GRID2: variants seen among roughly 807,000 people sequenced by gnomAD.
GRID2 encodes the protein glutamate receptor ionotropic, delta-2.
Under a neutral mutation model 114.8 loss-of-function variants are expected in GRID2, and 33 were observed. That is an observed-to-expected ratio of 0.29 (90% CI 0.22 to 0.38). The LOEUF is 0.38. GRID2 is among the 10% of genes least tolerant of loss of function. The pLI is 1.00. For missense variants in GRID2, 1,184 were observed against 1,257.7 expected (o/e 0.94, Z 0.89); for synonymous variants, 505 against 449.9 (o/e 1.12, Z -1.55).
intron 8 of GRID2, chr4:93,306,019 T>G (rs993756837): frequency 6.6e-6 from 1 of 152,228 alleles, no homozygotes; most frequent in Admixed American, 6.5e-5. Flanking sequence ...AACATACACT[T>G]GTTACCTGAT....
intron 2 of GRID2, among the ~76,000 whole-genome samples, chr4:93,074,029 G>A (rs2149308571): frequency 6.6e-6 from 1 of 152,310 alleles, no homozygotes; most frequent in African/African-American, 2.4e-5. Flanking sequence ...CAGCTGTGAA[G>A]GGACAACTAA....
chr4:92,456,274 A>G (rs1018546660), intron 1 of GRID2, among the ~76,000 whole-genome samples: 1 of 152,132 alleles, frequency 6.6e-6, no homozygotes, highest in Non-Finnish European at 1.5e-5. Flanking sequence ...ATATATTAGG[A>G]ACTAAATTTT....
chr4:92,505,200 A>G (rs962814177), intron 1 of GRID2, among the ~76,000 whole-genome samples: 2 of 151,988 alleles, frequency 1.3e-5, no homozygotes, highest in African/African-American at 4.8e-5. Flanking sequence ...TGCAAATAGA[A>G]TAGGACTCTT....
chr4:92,588,627 C>A (rs896932444), intron 1 of GRID2, among the ~76,000 whole-genome samples: 3 of 124,344 alleles, frequency 2.4e-5, no homozygotes, highest in African/African-American at 9.4e-5. Flanking sequence ...TGCTGTGAGC[C>A]GAGATGGCGC....
intron 2 of GRID2, among the ~76,000 whole-genome samples, chr4:92,778,994 T>TA (rs1738936920): frequency 6.6e-6 from 1 of 152,074 alleles, no homozygotes; most frequent in South Asian, 2.1e-4. Flanking sequence ...TATTTATTCC[T>TA]AAAAAATCAT....
intron 6 of GRID2, among the ~76,000 whole-genome samples, chr4:93,217,859 T>C (rs1744419268): frequency 6.6e-6 from 1 of 152,104 alleles, no homozygotes; most frequent in Non-Finnish European, 1.5e-5. Flanking sequence ...TGGCCAATCT[T>C]AGAAGTAAGC....
intron 2 of GRID2, among the ~76,000 whole-genome samples, chr4:93,026,319 C>A (rs1044242444): frequency 6.6e-6 from 1 of 151,732 alleles, no homozygotes; most frequent in Non-Finnish European, 1.5e-5. Flanking sequence ...GCATATTTGG[C>A]CTCACACAAT....
chr4:92,742,975 TTA>T, intron 2 of GRID2, among the ~76,000 whole-genome samples: 1 of 152,252 alleles, frequency 6.6e-6, no homozygotes, highest in East Asian at 1.9e-4. Flanking sequence ...TTATATGTAT[TTA>T]ATAATCTAAA....
intron 2 of GRID2, among the ~76,000 whole-genome samples, chr4:92,942,130 C>T (rs1260279465): frequency 6.6e-6 from 1 of 152,044 alleles, no homozygotes; most frequent in Non-Finnish European, 1.5e-5. Context: ...TCCTTGTTAA[C>T]TTTCTGTCTT....
At chr4:93,346,449 T>G (rs957978197) in intron 8 of GRID2, among the ~76,000 whole-genome samples, 1 of 152,200 alleles carries the variant, frequency 6.6e-6, no homozygotes, top group Non-Finnish European at 1.5e-5. Flanking sequence ...ACAATTCATC[T>G]TCTTTTCCCC....
chr4:93,665,298 T>G (rs56352637), intron 14 of GRID2, among the ~76,000 whole-genome samples: 7,356 of 152,240 alleles, frequency 0.048, 224 homozygotes, highest in African/African-American at 0.089. Flanking sequence ...GTCCCTCAGA[T>G]GGTCAAGTTA....
chr4:92,360,128 T>G (rs1728541785), intron 1 of GRID2, among the ~76,000 whole-genome samples: 1 of 151,994 alleles, frequency 6.6e-6, no homozygotes. Flanking sequence ...AGCAGAGAGC[T>G]TTACCTAGTT....
rs1237515009 is a variant in GRID2 at position 92,652,797 on chromosome 4, G to GA, written c.244+62521dup. On this transcript the variant is annotated intron_variant, in intron 2 of 15. Transcript: ENST00000282020. ...TCAAGACCAGCCTGGCCAAGATGGT[G>GA]AAAAAAAAAATATATATATATATAT... is the stretch of plus-strand genomic sequence containing the variant. Among the ~76,000 whole-genome samples the GA allele has an allele frequency of 2.0e-3, 235 of 114,692 alleles. 6 individuals are homozygous for GA. The highest frequency in any genetic ancestry group is 6.8e-3 in the African/African-American group (197 of 29,026). 75.2% of individuals were successfully genotyped at this position (114,692 alleles called of 152,430 possible).
intron 2 of GRID2, among the ~76,000 whole-genome samples, chr4:92,770,736 A>G (rs1450444566): frequency 6.6e-6 from 1 of 152,034 alleles, no homozygotes; most frequent in Non-Finnish European, 1.5e-5. Context: ...ATCACGAGAA[A>G]AGCGCGGGAA....
chr4:92,623,364 CA>C lies in GRID2; in HGVS notation c.244+33089del, dbSNP rs58432717. ...CCTGCGACACAAGGATAAGTAAGTA[CA>C]AAAAAAAAAAGATTAATACCATCAA... On this transcript the variant is annotated intron_variant, in intron 2 of 15. Coordinates refer to ENST00000282020, the MANE Select transcript of GRID2 (RefSeq NM_001510.4). Among the ~76,000 whole-genome samples the C allele has an allele frequency of 2.1e-3, 283 of 131,862 alleles. 1 individual carries two copies. The highest frequency in any genetic ancestry group is 0.011 in the Middle Eastern group (3 of 264). 86.5% of individuals were successfully genotyped at this position (131,862 alleles called of 152,430 possible).
chr4:92,460,051 T>TATATATATATATATATAC (rs1721415747), intron 1 of GRID2, among the ~76,000 whole-genome samples: 6 of 122,338 alleles, frequency 4.9e-5, no homozygotes, highest in Non-Finnish European at 1.0e-4. Context: ...TATATATATA[T>TATATATATATATATATAC]ATACACACAC....
chr4:92,635,834 T>G (rs894997957), intron 2 of GRID2, among the ~76,000 whole-genome samples: 4 of 152,088 alleles, frequency 2.6e-5, no homozygotes, highest in African/African-American at 9.7e-5. Context: ...TTTACTAGAG[T>G]TTATTGCATC....
chr4:93,232,088 G>A (rs529584782), intron 7 of GRID2, among the ~76,000 whole-genome samples: 3 of 152,188 alleles, frequency 2.0e-5, no homozygotes, highest in East Asian at 3.9e-4. Context: ...AGAGTGCAGA[G>A]AACACATAAA....
In GRID2 at chr4:92,927,885, A is replaced by G. The variant is rs1560710590; in HGVS notation, c.245-157110A>G. 2.0e-5 allele frequency among the ~76,000 whole-genome samples: 3 copies of G among 151,830 alleles called. No individual in the cohort carries two copies. In the South Asian group the frequency reaches 6.2e-4, roughly 31 times the overall value. On this transcript the variant is annotated intron_variant, in intron 2 of 15. Transcript: ENST00000282020. Reference sequence around the variant, plus strand: ...TTTTTTTGGATGTTAGAATGTTTGCATTATACTTACCAGTTGAGGATCTCA... The same window carrying G: ...TTTTTTTGGATGTTAGAATGTTTGCGTTATACTTACCAGTTGAGGATCTCA...
Sources: allele counts gnomAD v4.1 joint callset (sites outside exome capture counted in the v4.1 genomes callset), GRCh38; gene constraint gnomAD v4.1.1; transcripts MANE v1.5; gene names NCBI Gene and HGNC (gene_info 2026-07-23, HGNC 2026-07-21).